Variants in FANCL observed in about 807,000 individuals in gnomAD.
FANCL encodes the protein E3 ubiquitin-protein ligase FANCL.
FANCL carries 69 observed loss-of-function variants against 59.4 expected under a neutral mutation model. The ratio of observed to expected loss-of-function variants is 1.16; its 90% CI spans 0.96 to 1.42. The LOEUF is 1.42. Ranked by LOEUF, FANCL falls within the 40% of genes most tolerant of loss-of-function variation. The pLI, the probability that FANCL is intolerant of heterozygous loss-of-function variation, is 0.00. For missense variants in FANCL, 519 were observed against 447.2 expected, an observed-to-expected ratio of 1.16 and a Z score of -1.45; for synonymous variants, 180 against 147.1, an observed-to-expected ratio of 1.22 and a Z score of -1.62.
At chr2:58,230,143 T>C (rs1693430246) in intron 2 of FANCL, among the ~76,000 whole-genome samples, 1 of 152,206 alleles carries the variant, frequency 6.6e-6, no homozygotes, top group African/African-American at 2.4e-5. Context: ...AGCAAAGTTT[T>C]CCACTGAAGT....
At chr2:58,193,891 C>A (rs1484367055) in intron 7 of FANCL, among the ~76,000 whole-genome samples, 1 of 152,128 alleles carries the variant, frequency 6.6e-6, no homozygotes, top group African/African-American at 2.4e-5. Flanking sequence ...AGTTATGTGA[C>A]TTGTCTGAAT....
chr2:58,198,048 T>TGC (rs1010592337), intron 7 of FANCL, among the ~76,000 whole-genome samples: 1 of 148,314 alleles, frequency 6.7e-6, no homozygotes, highest in African/African-American at 2.5e-5. Flanking sequence ...TGTGTGTGCG[T>TGC]GTGTGTGTGT....
chr2:58,189,408 A>T (rs919489188), intron 7 of FANCL, among the ~76,000 whole-genome samples: 1 of 152,170 alleles, frequency 6.6e-6, no homozygotes, highest in African/African-American at 2.4e-5. Context: ...AAATAGTAAC[A>T]ATCCTCACAG....
Position 58,159,431 on chromosome 2 carries a change from A to C in FANCL, c.*334T>G. 1 of 1,613,696 alleles carries C rather than the reference A, an allele frequency of 6.2e-7. No homozygotes were observed. Among genetic ancestry groups the C allele is most frequent in the Non-Finnish European group, 8.5e-7 (1 of 1,179,722 alleles). On this transcript the variant is annotated 3_prime_UTR_variant, in exon 14 of 14. Transcript: ENST00000233741. ...AACAGTTTCCCACAAAAAATCAGCT[A>C]TACACAATTCCCAAACTCATTTTAT...
At chr2:58,229,509 T>G (rs1169612863) in intron 3 of FANCL, among the ~76,000 whole-genome samples, 3 of 152,170 alleles carry the variant, frequency 2.0e-5, no homozygotes, top group Non-Finnish European at 4.4e-5. Flanking sequence ...GGTCTGATTT[T>G]TTTTCCCTAT....
chr2:58,168,495 G>A (rs1231593987), intron 7 of FANCL, among the ~76,000 whole-genome samples: 4 of 152,076 alleles, frequency 2.6e-5, no homozygotes, highest in African/African-American at 9.7e-5. Context: ...CCAGGGCCCT[G>A]GGTTTCAAGC....
At chr2:58,169,549 G>C (rs941925326) in intron 7 of FANCL, among the ~76,000 whole-genome samples, 1 of 152,072 alleles carries the variant, frequency 6.6e-6, no homozygotes. Flanking sequence ...GACAGAGAAT[G>C]AGTTTGACAA....
At chr2:58,211,818 T>A (rs1236742296) in intron 5 of FANCL, among the ~76,000 whole-genome samples, 1 of 152,128 alleles carries the variant, frequency 6.6e-6, no homozygotes, top group Non-Finnish European at 1.5e-5. Flanking sequence ...TTTGCTCCAG[T>A]TCCCAACAAA....
At chr2:58,207,220 G>T (rs996789885) in intron 5 of FANCL, among the ~76,000 whole-genome samples, 7 of 152,008 alleles carry the variant, frequency 4.6e-5, no homozygotes, top group Non-Finnish European at 4.4e-5. Context: ...ATTTGGACAG[G>T]CCAATATGAG....
intron 6 of FANCL, among the ~76,000 whole-genome samples, chr2:58,199,233 C>T (rs1333544193): frequency 2.0e-5 from 3 of 152,028 alleles, no homozygotes; most frequent in Non-Finnish European, 4.4e-5. Context: ...ATTAAGTCAG[C>T]GTTGTGTCAG....
chr2:58,197,067 A>C (rs969546498), intron 7 of FANCL, among the ~76,000 whole-genome samples: 3 of 151,750 alleles, frequency 2.0e-5, no homozygotes, highest in Non-Finnish European at 4.4e-5. Flanking sequence ...CTTATAGCAT[A>C]CATCAAAATA....
Position 58,204,236 on chromosome 2 carries a change from AGAG to A in FANCL, c.375-13_375-11del, listed in dbSNP as rs759671554. 6.2e-6 allele frequency: 10 copies of A among 1,606,708 alleles called. No homozygotes were observed. Among genetic ancestry groups the A allele is most frequent in the African/African-American group, 4.0e-5 (3 of 74,758 alleles). ...ATCCGCATACACAAGTCTGGTGAGC[AGAG>A]GAGAATAAAAAATGATCACACCGGG... On this transcript the variant is annotated splice_polypyrimidine_tract_variant and intron_variant, in intron 5 of 13. Coordinates refer to ENST00000233741, the MANE Select transcript of FANCL (RefSeq NM_018062.4).
chr2:58,187,683 A>G (rs1287097381), intron 7 of FANCL, among the ~76,000 whole-genome samples: 1 of 152,178 alleles, frequency 6.6e-6, no homozygotes, highest in Admixed American at 6.5e-5. Context: ...CTAAGTAAAT[A>G]TATTTTGAAA....
chr2:58,161,659 T>G (rs371522975), intron 11 of FANCL, 21 bp from the exon 12 acceptor site: 2 of 1,508,648 alleles, frequency 1.3e-6, no homozygotes, highest in African/African-American at 2.8e-5. Flanking sequence ...AAAATATTTA[T>G]AAAAAGCGTA....
chr2:58,205,076 T>C (rs867787520), intron 5 of FANCL, among the ~76,000 whole-genome samples: 2 of 152,068 alleles, frequency 1.3e-5, no homozygotes, highest in Non-Finnish European at 1.5e-5. Flanking sequence ...AGATAAAAAG[T>C]AGTCTAAGAG....
chr2:58,203,283 G>C (rs771345765), intron 6 of FANCL, among the ~76,000 whole-genome samples: 4 of 151,574 alleles, frequency 2.6e-5, no homozygotes, highest in Non-Finnish European at 5.9e-5. Flanking sequence ...TACAGCTTTA[G>C]ATATTAATTT....
rs1252756549 is a variant in FANCL, at chr2:58,159,570, T to G, written c.*195A>C. ...GGATCACAGACTTAGAAAGTTCAACTGGACTTTGGCCTACAATTTCCCAGT... is the reference window on the plus strand; with the variant it reads ...GGATCACAGACTTAGAAAGTTCAACGGGACTTTGGCCTACAATTTCCCAGT... On this transcript the variant is annotated 3_prime_UTR_variant, in exon 14 of 14. Transcript: ENST00000233741. 1.2e-6 allele frequency: 2 copies of G among 1,613,874 alleles called. No individual in the cohort carries two copies. Among genetic ancestry groups the G allele is most frequent in the East Asian group, 2.2e-5 (1 of 44,852 alleles).
rs1558836698 is a variant in FANCL at position 58,241,207 on chromosome 2, T to C, written c.96+11A>G. 2 of 1,614,078 alleles carry C rather than the reference T, an allele frequency of 1.2e-6. No homozygotes were observed. The highest frequency in any genetic ancestry group is 8.5e-7 in the Non-Finnish European group (1 of 1,179,916). ...GCTCTCTTAGCTAGAAAGCAACCAC[T>C]GGGCGGGTACCTGAGCCGAGATGAA... On this transcript the variant is annotated intron_variant, in intron 1 of 13. Transcript: ENST00000233741.
chr2:58,173,660 C>A (rs1191484272), intron 7 of FANCL, among the ~76,000 whole-genome samples: 10 of 152,192 alleles, frequency 6.6e-5, no homozygotes, highest in Admixed American at 5.9e-4. Context: ...AAGGAACAAC[C>A]GGTACCAGCC....
Sources: gnomAD v4.1 joint callset for allele counts (sites outside exome capture counted in the v4.1 genomes callset) on GRCh38, gnomAD v4.1.1 for gene constraint, MANE v1.5 for transcripts, NCBI Gene and HGNC (gene_info 2026-07-23, HGNC 2026-07-21) for gene names.